The following PCNX1 variants were observed in gnomAD, a reference collection of about 807,000 sequenced individuals.
The protein encoded by PCNX1 is pecanex-like protein 1.
Under a neutral mutation model 242.2 loss-of-function variants are expected in PCNX1, and 78 were observed. The observed-to-expected ratio is 0.32, with a 90% confidence interval of 0.27 to 0.39. The LOEUF (loss-of-function observed/expected upper bound fraction) is 0.39. Ranked by LOEUF, PCNX1 falls within the 10% of genes least tolerant of loss-of-function variation. The pLI is 1.00. For missense variants in PCNX1, 2,581 were observed against 2,856.5 expected (o/e 0.90, Z 2.20); for synonymous variants, 1,024 against 1,032.9 (o/e 0.99, Z 0.17).
At position 71,111,974 on chromosome 14, in the gene PCNX1, T is replaced by G. The variant is rs1485578461; in HGVS notation, c.*2039T>G. On this transcript the variant is annotated 3_prime_UTR_variant, in exon 36 of 36. Coordinates refer to ENST00000304743, the MANE Select transcript of PCNX1 (RefSeq NM_014982.3). ...TTAAAGTTTAGTGTTGTTTTTGGTT[T>G]TGGAGGGTTTTTTTCTGAAACTGAA... 6.6e-6 allele frequency: 1 copy of G among 152,578 alleles called. No individual in the cohort carries two copies. The highest frequency in any genetic ancestry group is 6.5e-5 in the Admixed American group (1 of 15,274). 9.5% of individuals were successfully genotyped at this position (152,578 alleles called of 1,614,324 possible).
intron 2 of PCNX1, among the ~76,000 whole-genome samples, chr14:70,957,623 G>C (rs191793919): frequency 5.3e-5 from 8 of 152,166 alleles, no homozygotes; most frequent in Non-Finnish European, 1.0e-4. Flanking sequence ...AAGGAGGATG[G>C]AAAGGGACGG....
rs2058718360 is a variant in PCNX1 at position 70,977,428 on chromosome 14, C to T, written c.1091C>T (p.Ala364Val). 6.2e-7 allele frequency: 1 copy of T among 1,614,056 alleles called. No homozygotes were observed. Among genetic ancestry groups the T allele is most frequent in the East Asian group, 2.2e-5 (1 of 44,886 alleles). ...AGTGGGAAGAGCAAACCTTTGAAAG[C>T]AGAGAAAAGCATGGACAGCTTGAGG... ...TKSGKSKPLK[A>V]EKSMDSLRSL... Residue 364 changes from alanine to valine, a missense_variant, in exon 6 of 36, where the codon GCA becomes GTA. Physicochemically the swap from Ala to Val is moderately conservative, Grantham distance 64. Around this residue, in one of 9 missense-constraint regions of PCNX1, gnomAD observed 1,204 missense variants for 1,216.7 expected, o/e 0.99. Coordinates refer to ENST00000304743, the MANE Select transcript of PCNX1 (RefSeq NM_014982.3).
chr14:70,957,064 T>C (rs796760630), intron 2 of PCNX1, among the ~76,000 whole-genome samples: 7 of 152,198 alleles, frequency 4.6e-5, no homozygotes, highest in African/African-American at 1.2e-4. Flanking sequence ...GGTGCAATCA[T>C]AGCTCACTGC....
chr14:71,089,494 C>T (rs2062072879), intron 30 of PCNX1, 152 bp downstream of exon 30: 1 of 593,316 alleles, frequency 1.7e-6, no homozygotes, highest in Non-Finnish European at 2.8e-6. Context: ...CACAGTTCCA[C>T]AGGGGTGGGG....
Position 71,103,386 on chromosome 14 carries a change from G to C in PCNX1, c.5821-9G>C. 1 of 1,613,286 alleles carries C rather than the reference G, an allele frequency of 6.2e-7. No individual in the cohort carries two copies. The highest frequency in any genetic ancestry group is 8.5e-7 in the Non-Finnish European group (1 of 1,179,418). On this transcript the variant is annotated splice_polypyrimidine_tract_variant and intron_variant, in intron 31 of 35. Coordinates refer to ENST00000304743, the MANE Select transcript of PCNX1 (RefSeq NM_014982.3). ...CCTTAACCTAATTCCCTTGTGTTCTGGTTTTCAGGTGAATAAGGAATGTGT... is the reference window on the plus strand; with the variant it reads ...CCTTAACCTAATTCCCTTGTGTTCTCGTTTTCAGGTGAATAAGGAATGTGT...
chr14:70,950,185 C>A (rs964620863), intron 2 of PCNX1, among the ~76,000 whole-genome samples: 17 of 152,036 alleles, frequency 1.1e-4, no homozygotes, highest in African/African-American at 4.1e-4. Flanking sequence ...TTGTTTATTG[C>A]CTTAATCACT....
At position 70,907,808 on chromosome 14, in the gene PCNX1, ACGGCGGCGGCGG is replaced by A. The variant is rs749537800; in HGVS notation, c.-34_-23del. On this transcript the variant is annotated 5_prime_UTR_variant, in exon 1 of 36. Coordinates refer to ENST00000304743, the MANE Select transcript of PCNX1 (RefSeq NM_014982.3). Reference sequence around the variant, plus strand: ...AGGCCGAGCTGGGGCCGGGGCGGGGACGGCGGCGGCGGCGGCGGCGACGGCGGCGGCGCCGGG... The same window carrying A: ...AGGCCGAGCTGGGGCCGGGGCGGGGACGGCGGCGACGGCGGCGGCGCCGGG... The A allele has an allele frequency of 3.6e-4, 442 of 1,216,734 alleles. 3 individuals are homozygous for A. The highest frequency in any genetic ancestry group is 1.3e-3 in the Middle Eastern group (4 of 3,032). 75.4% of individuals were successfully genotyped at this position (1,216,734 alleles called of 1,614,324 possible). A position where few individuals can be genotyped will look rare whatever the true frequency, so the allele number is the denominator to read the frequency against.
chr14:70,934,320 C>T (rs1261567274), intron 1 of PCNX1, among the ~76,000 whole-genome samples: 3 of 152,030 alleles, frequency 2.0e-5, no homozygotes, highest in Non-Finnish European at 4.4e-5. Context: ...GCTCGGTTTC[C>T]CAGCTTGTTT....
At chr14:71,097,961 A>G (rs752204366) in intron 30 of PCNX1, among the ~76,000 whole-genome samples, 1 of 152,234 alleles carries the variant, frequency 6.6e-6, no homozygotes, top group Non-Finnish European at 1.5e-5. Flanking sequence ...TAATATTTGT[A>G]TATGGTGAAA....
chr14:70,911,488 TC>T (rs1385909554), intron 1 of PCNX1, among the ~76,000 whole-genome samples: 1 of 152,232 alleles, frequency 6.6e-6, no homozygotes, highest in Non-Finnish European at 1.5e-5. Flanking sequence ...ATTCTGATTG[TC>T]CTGTCTGTTT....
chr14:71,074,252 T>C (rs2061656108), intron 27 of PCNX1, among the ~76,000 whole-genome samples: 1 of 152,216 alleles, frequency 6.6e-6, no homozygotes, highest in South Asian at 2.1e-4. Context: ...GACCACTGCT[T>C]TGCACTGCTT....
chr14:71,026,186 T>G lies in PCNX1; in HGVS notation c.3253T>G (p.Leu1085Val), dbSNP rs2060239065. The G allele has an allele frequency of 6.2e-7, 1 of 1,611,606 alleles. No individual in the cohort carries two copies. The highest frequency in any genetic ancestry group is 1.1e-5 in the South Asian group (1 of 90,804). The change falls in exon 14 of 36, where the codon TTG becomes GTG. Residue 1085 changes from leucine (L) to valine (V), a missense_variant. By Grantham distance (32) the Leu-to-Val change is conservative. This residue lies in a region of PCNX1 where 432 missense variants were observed against 443.1 expected (regional missense o/e 0.97). Transcript: ENST00000304743. Reference sequence around the variant, plus strand: ...CATATGTTGCGGTCTTATTTGGCTCTTGGATTATGGTAGCAGAAACCTGAC... The same window carrying G: ...CATATGTTGCGGTCTTATTTGGCTCGTGGATTATGGTAGCAGAAACCTGAC... Reference protein sequence around the residue: ...FCICCGLIWLLDYGSRNLTAT... With the variant: ...FCICCGLIWLVDYGSRNLTAT...
intron 26 of PCNX1, among the ~76,000 whole-genome samples, chr14:71,058,545 C>G (rs1466704965): frequency 6.6e-6 from 1 of 152,142 alleles, no homozygotes; most frequent in Non-Finnish European, 1.5e-5. Flanking sequence ...TTCATCTATT[C>G]TAAGTGCTTT....
chr14:70,952,015 G>A (rs73293803), intron 2 of PCNX1, among the ~76,000 whole-genome samples: 4,294 of 152,252 alleles, frequency 0.028, 176 homozygotes, highest in African/African-American at 0.097. Context: ...CACTCAGTCA[G>A]TCAAGGCTTC....
chr14:70,946,449 G>A (rs754963494), intron 1 of PCNX1, among the ~76,000 whole-genome samples: 13 of 152,156 alleles, frequency 8.5e-5, no homozygotes, highest in Non-Finnish European at 1.6e-4. Context: ...GTATGATAAG[G>A]CTTTTGGCAT....
intron 1 of PCNX1, among the ~76,000 whole-genome samples, chr14:70,908,963 A>AT (rs1398876647): frequency 6.6e-6 from 1 of 152,238 alleles, no homozygotes; most frequent in Non-Finnish European, 1.5e-5. Context: ...AAGGCTTCAT[A>AT]TAAAATTTTA....
intron 7 of PCNX1, 60 bp downstream of exon 7, chr14:70,988,759 C>T: frequency 6.5e-7 from 1 of 1,535,340 alleles, no homozygotes; most frequent in Non-Finnish European, 8.9e-7. Context: ...CTAATCTGTT[C>T]CGCCAGTCCC....
At chr14:70,937,342 T>A (rs1237474869) in intron 1 of PCNX1, among the ~76,000 whole-genome samples, 1 of 152,252 alleles carries the variant, frequency 6.6e-6, no homozygotes, top group Non-Finnish European at 1.5e-5. Flanking sequence ...AGTTTCAGCT[T>A]TCTACCTATG....
At chr14:71,022,514 C>A (rs1207999049) in intron 12 of PCNX1, among the ~76,000 whole-genome samples, 1 of 152,018 alleles carries the variant, frequency 6.6e-6, no homozygotes, top group African/African-American at 2.4e-5. Flanking sequence ...GTGAGCTTGG[C>A]CCAGTATCGA....
Sources: allele counts gnomAD v4.1 joint callset (sites outside exome capture counted in the v4.1 genomes callset), GRCh38; gene constraint gnomAD v4.1.1; regional missense constraint gnomAD v4.1.1; transcripts MANE v1.5; gene names NCBI Gene and HGNC (gene_info 2026-07-23, HGNC 2026-07-21).